DACH2: variants seen among roughly 807,000 people sequenced by gnomAD.
DACH2 encodes dachshund family transcription factor 2.
Under a neutral mutation model 35.8 loss-of-function variants are expected in DACH2, and 17 were observed. The observed-to-expected ratio is 0.48, with a 90% CI of 0.33 to 0.71. The LOEUF is 0.71. DACH2 is among the 30% of genes least tolerant of loss of function. DACH2 has a pLI of 0.02. For missense variants in DACH2, 469 were observed against 472.7 expected (o/e 0.99, Z 0.07); for synonymous variants, 195 against 177.3 (o/e 1.10, Z -0.79).
At chrX:86,528,531 G>A (rs1253523381) in intron 3 of DACH2, among the ~76,000 whole-genome samples, 1 of 111,608 alleles carries the variant, frequency 9.0e-6, no homozygotes, top group Non-Finnish European at 1.9e-5. Context: ...CGTGTGAATT[G>A]AATTCTAAGC....
intron 1 of DACH2, among the ~76,000 whole-genome samples, chrX:86,305,858 C>G (rs2034676027): frequency 9.0e-6 from 1 of 111,636 alleles, no homozygotes; most frequent in African/African-American, 3.2e-5. Flanking sequence ...CAACATCACT[C>G]AACATCAGGG....
chrX:86,198,330 C>T, intron 1 of DACH2, among the ~76,000 whole-genome samples: 1 of 111,486 alleles, frequency 9.0e-6, no homozygotes, highest in Non-Finnish European at 1.9e-5. Flanking sequence ...CTCAATGTAA[C>T]AACCTAACAT....
At chrX:86,311,590 C>A (rs2034802016) in intron 1 of DACH2, among the ~76,000 whole-genome samples, 1 of 111,030 alleles carries the variant, frequency 9.0e-6, no homozygotes, top group Admixed American at 9.6e-5. Context: ...TGGCACCACT[C>A]ACCATCACCA....
intron 2 of DACH2, among the ~76,000 whole-genome samples, chrX:86,480,851 C>G (rs896165729): frequency 9.0e-6 from 1 of 111,601 alleles, no homozygotes; most frequent in African/African-American, 3.3e-5. Flanking sequence ...GTCTAATGGT[C>G]AATATTTGAT....
intron 3 of DACH2, among the ~76,000 whole-genome samples, chrX:86,636,093 C>A (rs766656074): frequency 2.2e-4 from 24 of 111,134 alleles, no homozygotes; most frequent in Non-Finnish European, 3.8e-4. Flanking sequence ...GTAAAAGGAA[C>A]AAAGCTCGGG....
At chrX:86,347,430 C>A (rs1345108481) in intron 1 of DACH2, among the ~76,000 whole-genome samples, 1 of 112,437 alleles carries the variant, frequency 8.9e-6, no homozygotes, top group African/African-American at 3.2e-5. Context: ...CACACCATTT[C>A]TATAGTTACA....
chrX:86,266,091 G>GA (rs1172954780), intron 1 of DACH2, among the ~76,000 whole-genome samples: 1 of 111,028 alleles, frequency 9.0e-6, no homozygotes, highest in African/African-American at 3.3e-5. Flanking sequence ...TGAATTTAGA[G>GA]AAAAAACAGT....
At chrX:86,721,000 A>T (rs145669703) in intron 6 of DACH2, among the ~76,000 whole-genome samples, 4,759 of 112,361 alleles carry the variant, frequency 0.042, 246 homozygotes, top group African/African-American at 0.15. Context: ...ACTGAGCTGT[A>T]TATTGGCCCC....
intron 7 of DACH2, among the ~76,000 whole-genome samples, chrX:86,797,003 C>G (rs1374618917): frequency 8.1e-5 from 9 of 110,781 alleles, no homozygotes; most frequent in African/African-American, 3.0e-4. Flanking sequence ...ACAACTATAA[C>G]AATATACTGT....
intron 1 of DACH2, among the ~76,000 whole-genome samples, chrX:86,209,072 G>C (rs1033730387): frequency 2.7e-5 from 3 of 111,528 alleles, no homozygotes; most frequent in African/African-American, 9.8e-5. Context: ...GTGAGACCTT[G>C]GGCACATCAG....
intron 1 of DACH2, among the ~76,000 whole-genome samples, chrX:86,334,671 C>A (rs2035271750): frequency 8.9e-6 from 1 of 111,780 alleles, no homozygotes; most frequent in Admixed American, 9.5e-5. Context: ...CTTTGTCAGA[C>A]AGATTTATTG....
intron 1 of DACH2, among the ~76,000 whole-genome samples, chrX:86,291,166 A>C (rs184157750): frequency 0.036 from 3,866 of 108,049 alleles, 187 homozygotes; most frequent in African/African-American, 0.13. Flanking sequence ...ATTCCTAGGT[A>C]TTTTATTCTC....
intron 2 of DACH2, among the ~76,000 whole-genome samples, chrX:86,496,541 G>T (rs1281326812): frequency 2.7e-5 from 3 of 110,186 alleles, no homozygotes; most frequent in Non-Finnish European, 5.7e-5. Context: ...TGCATAGGAT[G>T]ATTTTTCTTA....
intron 3 of DACH2, among the ~76,000 whole-genome samples, chrX:86,515,890 G>A (rs1241785311): frequency 8.9e-6 from 1 of 112,479 alleles, no homozygotes; most frequent in Non-Finnish European, 1.9e-5. Flanking sequence ...GTCCAAAGGA[G>A]AAATATTGAG....
chrX:86,290,170 C>G (rs1297335989), intron 1 of DACH2, among the ~76,000 whole-genome samples: 1 of 81,705 alleles, frequency 1.2e-5, no homozygotes, highest in African/African-American at 5.0e-5. Context: ...CTCTGATGGC[C>G]AGTGATGGTG....
intron 3 of DACH2, among the ~76,000 whole-genome samples, chrX:86,600,164 G>C (rs1222753296): frequency 2.7e-5 from 3 of 112,054 alleles, no homozygotes; most frequent in Non-Finnish European, 5.6e-5. Flanking sequence ...CATGGCTTTT[G>C]TTGTAGACAC....
intron 1 of DACH2, among the ~76,000 whole-genome samples, chrX:86,327,608 T>TTG (rs1005647124): frequency 5.0e-5 from 5 of 99,623 alleles, no homozygotes; most frequent in African/African-American, 2.2e-4. Flanking sequence ...AAAGTTAGTG[T>TTG]TGTAAACATT....
intron 3 of DACH2, among the ~76,000 whole-genome samples, chrX:86,627,812 T>C (rs1217401315): frequency 8.9e-6 from 1 of 112,480 alleles, no homozygotes; most frequent in Non-Finnish European, 1.9e-5. Flanking sequence ...AGATGCTTGA[T>C]GTATTTGGCT....
chrX:86,293,289 C>T (rs1349370962), intron 1 of DACH2, among the ~76,000 whole-genome samples: 1 of 110,585 alleles, frequency 9.0e-6, no homozygotes, highest in Non-Finnish European at 1.9e-5. Context: ...GGTAGATCCT[C>T]CTCCATCCTT....
Sources: gnomAD v4.1 joint callset for allele counts (sites outside exome capture counted in the v4.1 genomes callset) on GRCh38, gnomAD v4.1.1 for gene constraint, MANE v1.5 for transcripts, NCBI Gene and HGNC (gene_info 2026-07-23, HGNC 2026-07-21) for gene names.